Variants in ABCC1 observed in about 807,000 individuals in gnomAD.
The protein encoded by ABCC1 is ATP binding cassette subfamily C member 1 (ABCC1 blood group), also known as multidrug resistance-associated protein 1.
In ABCC1, 83 loss-of-function variants were observed where a neutral mutation model predicts 172.9. The ratio of observed to expected loss-of-function variants is 0.48; its 90% confidence interval spans 0.40 to 0.58. The LOEUF (loss-of-function observed/expected upper bound fraction) is 0.58, where lower values mean the gene tolerates loss of function less well. Ranked by LOEUF, ABCC1 falls within the 20% of genes least tolerant of loss-of-function variation. The pLI, the probability that ABCC1 is intolerant of heterozygous loss-of-function variation, is 0.00. For missense variants in ABCC1, 1,817 were observed against 2,002.7 expected (o/e 0.91, Z 1.77); for synonymous variants, 937 against 825.2 (o/e 1.14, Z -2.32).
intron 23 of ABCC1, among the ~76,000 whole-genome samples, chr16:16,120,783 T>C (rs1648568099): frequency 6.6e-6 from 1 of 151,892 alleles, no homozygotes; most frequent in African/African-American, 2.4e-5. Context: ...TTGGCAACTC[T>C]AACAGCGCTG....
At chr16:15,950,689 A>C (rs1032494500) in intron 1 of ABCC1, among the ~76,000 whole-genome samples, 1 of 152,194 alleles carries the variant, frequency 6.6e-6, no homozygotes, top group Non-Finnish European at 1.5e-5. Context: ...CCAGGAAGGC[A>C]GGCACTTCTG....
chr16:16,025,639 C>T (rs536817767), intron 5 of ABCC1, among the ~76,000 whole-genome samples: 2 of 152,294 alleles, frequency 1.3e-5, no homozygotes, highest in South Asian at 4.1e-4. Flanking sequence ...GCTGAAAGAC[C>T]CAGACAAGGT....
intron 6 of ABCC1, among the ~76,000 whole-genome samples, chr16:16,035,812 AT>A (rs1454854210): frequency 6.6e-6 from 1 of 151,444 alleles, no homozygotes; most frequent in Non-Finnish European, 1.5e-5. Context: ...GCCTTTTTTA[AT>A]TTAAAATTTT....
intron 15 of ABCC1, among the ~76,000 whole-genome samples, chr16:16,077,151 A>G (rs969513086): frequency 1.3e-5 from 2 of 152,158 alleles, no homozygotes; most frequent in Non-Finnish European, 2.9e-5. Context: ...GCCTTGATCA[A>G]CAGCTTTTTA....
chr16:15,953,776 C>T (rs1316427141), intron 1 of ABCC1, among the ~76,000 whole-genome samples: 2 of 152,062 alleles, frequency 1.3e-5, no homozygotes, highest in African/African-American at 4.8e-5. Context: ...ACTCAGTAAC[C>T]CCCTGAATAT....
chr16:16,097,130 G>C lies in ABCC1; in HGVS notation c.2645-5497G>C, dbSNP rs183880098. Among the ~76,000 whole-genome samples the C allele has an allele frequency of 1.1e-4, 17 of 152,066 alleles. No individual in the cohort carries two copies. In the East Asian group the frequency reaches 2.7e-3, roughly 24 times the overall value. On this transcript the variant is annotated intron_variant, in intron 19 of 30. Coordinates refer to ENST00000399410, the MANE Select transcript of ABCC1 (RefSeq NM_004996.4). ...TTGTTTGTTTTGTTTTGTTTTGTTTGTTTTGGGAGTCTCACGCTGTTGCCC... is the reference window on the plus strand; with the variant it reads ...TTGTTTGTTTTGTTTTGTTTTGTTTCTTTTGGGAGTCTCACGCTGTTGCCC...
chr16:16,133,174 C>G (rs1567442179), intron 27 of ABCC1, among the ~76,000 whole-genome samples: 1 of 152,164 alleles, frequency 6.6e-6, no homozygotes, highest in African/African-American at 2.4e-5. Flanking sequence ...GAGTGATACC[C>G]TTAGACTTTC....
At chr16:15,963,343 G>C (rs1355488289) in intron 1 of ABCC1, among the ~76,000 whole-genome samples, 1 of 152,234 alleles carries the variant, frequency 6.6e-6, no homozygotes, top group Non-Finnish European at 1.5e-5. Context: ...ACACGATGTA[G>C]CTGCAGGTGG....
At chr16:16,037,903 C>T (rs150740913) in intron 7 of ABCC1, among the ~76,000 whole-genome samples, 15 of 152,228 alleles carry the variant, frequency 9.9e-5, no homozygotes, top group Admixed American at 7.8e-4. Flanking sequence ...GAAATTGTCT[C>T]GTGGGAGGCA....
chr16:16,000,562 G>A (rs1020903765), intron 1 of ABCC1, among the ~76,000 whole-genome samples: 1 of 152,152 alleles, frequency 6.6e-6, no homozygotes, highest in African/African-American at 2.4e-5. Flanking sequence ...TAGGAAGTGA[G>A]TGGTCATAGC....
intron 1 of ABCC1, among the ~76,000 whole-genome samples, chr16:15,980,994 C>T (rs1431545428): frequency 6.6e-6 from 1 of 152,130 alleles, no homozygotes; most frequent in Non-Finnish European, 1.5e-5. Context: ...GGCTGCAGGC[C>T]CCATGCAAGT....
chr16:15,962,282 T>A (rs2151503662), intron 1 of ABCC1, among the ~76,000 whole-genome samples: 1 of 152,332 alleles, frequency 6.6e-6, no homozygotes, highest in East Asian at 1.9e-4. Context: ...GGACTTATTT[T>A]AAAAATTGCT....
chr16:16,068,071 G>A (rs4148348), intron 12 of ABCC1, 85 bp from the exon 13 acceptor site: 95,906 of 1,547,218 alleles, frequency 0.062, 3,497 homozygotes, highest in Middle Eastern at 0.14. Flanking sequence ...GAGGGCCCAA[G>A]CGCGTCTCCA....
intron 27 of ABCC1, 109 bp downstream of exon 27, chr16:16,132,044 C>A: frequency 3.6e-6 from 5 of 1,393,028 alleles, no homozygotes; most frequent in African/African-American, 2.9e-5. Context: ...GGCTCCACAC[C>A]TTTGCTTGAA....
intron 1 of ABCC1, among the ~76,000 whole-genome samples, chr16:15,953,670 A>G (rs2045926399): frequency 6.6e-6 from 1 of 152,194 alleles, no homozygotes; most frequent in South Asian, 2.1e-4. Context: ...CCACTGGAGA[A>G]GACCAGAAGG....
At position 16,125,922 on chromosome 16, in the gene ABCC1, G is replaced by T; in HGVS notation, c.3819+11G>T. The T allele has an allele frequency of 6.2e-7, 1 of 1,607,424 alleles. No homozygotes were observed. Among genetic ancestry groups the T allele is most frequent in the Non-Finnish European group, 8.5e-7 (1 of 1,174,440 alleles). On this transcript the variant is annotated intron_variant, in intron 26 of 30. Coordinates refer to ENST00000399410, the MANE Select transcript of ABCC1 (RefSeq NM_004996.4). ...GAGACTGAGAAGGAGGTAGGCAAGG[G>T]CCCCTGGCTGGACCTCTTGGTCTTT...
intron 1 of ABCC1, among the ~76,000 whole-genome samples, chr16:15,953,216 A>G (rs2045917485): frequency 6.6e-6 from 1 of 151,706 alleles, no homozygotes; most frequent in African/African-American, 2.4e-5. Context: ...CACGCCTGTA[A>G]TTCCAGCTAC....
At chr16:16,041,989 G>T (rs527241969) in intron 7 of ABCC1, among the ~76,000 whole-genome samples, 2 of 152,076 alleles carry the variant, frequency 1.3e-5, no homozygotes, top group South Asian at 4.2e-4. Flanking sequence ...CCAGCTACAG[G>T]GGGGCTGAAG....
chr16:15,976,040 C>T (rs975579796), intron 1 of ABCC1, among the ~76,000 whole-genome samples: 9 of 151,658 alleles, frequency 5.9e-5, no homozygotes, highest in Non-Finnish European at 1.0e-4. Context: ...CTGAGGTGGG[C>T]GGATCACCTG....
Sources: gnomAD v4.1 joint callset for allele counts (sites outside exome capture counted in the v4.1 genomes callset) on GRCh38, gnomAD v4.1.1 for gene constraint, MANE v1.5 for transcripts, NCBI Gene and HGNC (gene_info 2026-07-23, HGNC 2026-07-21) for gene names.